FMN2: variants seen among roughly 807,000 people sequenced by gnomAD.
The protein encoded by FMN2 is formin 2, also known as formin-2.
Under a neutral mutation model 142.3 loss-of-function variants are expected in FMN2, and 51 were observed. The ratio of observed to expected loss-of-function variants is 0.36; its 90% CI spans 0.29 to 0.45. The LOEUF is 0.45. FMN2 is among the 20% of genes least tolerant of loss of function. FMN2 has a pLI of 1.00. For missense variants in FMN2, 1,936 were observed against 2,122.8 expected, an observed-to-expected ratio of 0.91 and a Z score of 1.73; for synonymous variants, 882 against 869.8, an observed-to-expected ratio of 1.01 and a Z score of -0.25.
chr1:240,184,386 A>G lies in FMN2; in HGVS notation c.1931-3821A>G, dbSNP rs564384906. On this transcript the variant is annotated intron_variant, in intron 3 of 17. Transcript: ENST00000319653. The stretch of plus-strand genomic sequence containing the variant: ...CGAGTAGCTGGGACTGCAGGTGCCC[A>G]CCACCAGGCCGGCTCATTTTTGTAT... 1.5e-3 allele frequency among the ~76,000 whole-genome samples: 227 copies of G among 151,250 alleles called. 4 individuals are homozygous for G. In the South Asian group the frequency reaches 0.024, roughly 16 times the overall value.
chr1:240,440,922 C>T (rs750386901), intron 16 of FMN2, among the ~76,000 whole-genome samples: 5 of 151,722 alleles, frequency 3.3e-5, no homozygotes, highest in Non-Finnish European at 4.4e-5. Flanking sequence ...AACCACAGAG[C>T]CCTTCTAAGG....
At chr1:240,319,541 C>G (rs1670901680) in intron 8 of FMN2, among the ~76,000 whole-genome samples, 1 of 152,144 alleles carries the variant, frequency 6.6e-6, no homozygotes, top group Admixed American at 6.6e-5. Flanking sequence ...GTCTTCACAA[C>G]AGATGTGGTA....
At chr1:240,350,807 G>A (rs1306328007) in intron 13 of FMN2, among the ~76,000 whole-genome samples, 4 of 152,234 alleles carry the variant, frequency 2.6e-5, no homozygotes. Context: ...CTCTGGGAAT[G>A]GATAAGTAGA....
intron 14 of FMN2, among the ~76,000 whole-genome samples, chr1:240,388,563 C>G (rs1032813054): frequency 1.3e-5 from 2 of 152,016 alleles, no homozygotes; most frequent in African/African-American, 4.8e-5. Flanking sequence ...CTGGGATGCC[C>G]TTGGCCAGTG....
rs2102898107 is a variant in FMN2, at chr1:240,258,180, A to T, written c.4153+148A>T. 5 of 609,730 alleles carry T rather than the reference A, an allele frequency of 8.2e-6. 1 individual carries two copies. In the South Asian group the frequency reaches 1.0e-4, roughly 13 times the overall value. 37.8% of individuals were successfully genotyped at this position (609,730 alleles called of 1,614,324 possible). On this transcript the variant is annotated intron_variant, in intron 7 of 17. Coordinates refer to ENST00000319653, the MANE Select transcript of FMN2 (RefSeq NM_020066.5). ...CGTAAGTGTGATCAAGCTATCTCCCATGATTGTTTCTGGAAGGATTACTAT... is the reference window on the plus strand; with the variant it reads ...CGTAAGTGTGATCAAGCTATCTCCCTTGATTGTTTCTGGAAGGATTACTAT...
intron 15 of FMN2, among the ~76,000 whole-genome samples, chr1:240,407,675 C>T (rs17629839): frequency 0.082 from 12,414 of 152,004 alleles, 653 homozygotes; most frequent in South Asian, 0.16. Context: ...GATTTGTTCC[C>T]CTAAAGAGTG....
At chr1:240,251,254 G>C (rs780768905) in intron 6 of FMN2, among the ~76,000 whole-genome samples, 5 of 151,706 alleles carry the variant, frequency 3.3e-5, no homozygotes, top group African/African-American at 4.8e-5. Flanking sequence ...GTATCTCATA[G>C]GTTTTGGTGT....
At chr1:240,467,068 T>C (rs1055189713) in intron 16 of FMN2, among the ~76,000 whole-genome samples, 1 of 152,140 alleles carries the variant, frequency 6.6e-6, no homozygotes, top group Non-Finnish European at 1.5e-5. Flanking sequence ...CAAGAAGTGA[T>C]CACAGCCTAT....
intron 2 of FMN2, 29 bp downstream of exon 2, chr1:240,123,374 G>C: frequency 6.3e-7 from 1 of 1,599,612 alleles, no homozygotes; most frequent in Non-Finnish European, 8.5e-7. Flanking sequence ...TTCTGTCCGT[G>C]AGGCAGATTT....
At chr1:240,214,367 T>C (rs1558370671) in intron 6 of FMN2, among the ~76,000 whole-genome samples, 1 of 151,422 alleles carries the variant, frequency 6.6e-6, no homozygotes, top group Non-Finnish European at 1.5e-5. Flanking sequence ...CTGGCTAACA[T>C]GTAGAAACCC....
intron 15 of FMN2, among the ~76,000 whole-genome samples, chr1:240,399,272 A>G (rs1673892175): frequency 6.6e-6 from 1 of 152,174 alleles, no homozygotes; most frequent in African/African-American, 2.4e-5. Context: ...TCTTCCATTT[A>G]CCATAATACC....
intron 14 of FMN2, among the ~76,000 whole-genome samples, chr1:240,374,221 A>G (rs1323470242): frequency 2.6e-5 from 4 of 152,220 alleles, no homozygotes; most frequent in Non-Finnish European, 5.9e-5. Flanking sequence ...GATCACAGGC[A>G]TAGTAGATTT....
chr1:240,258,401 G>A (rs903627318), intron 7 of FMN2, among the ~76,000 whole-genome samples: 2 of 152,112 alleles, frequency 1.3e-5, no homozygotes, highest in African/African-American at 4.8e-5. Flanking sequence ...GGTGAGGGCC[G>A]TCTTTCAGGT....
At chr1:240,157,900 C>CCTGAGG (rs1269731018) in intron 2 of FMN2, among the ~76,000 whole-genome samples, 2 of 150,370 alleles carry the variant, frequency 1.3e-5, no homozygotes, top group East Asian at 3.9e-4. Context: ...ACTTTAGGAG[C>CCTGAGG]CTGAGGCAGG....
chr1:240,219,276 G>C (rs976321077), intron 6 of FMN2, among the ~76,000 whole-genome samples: 3 of 152,132 alleles, frequency 2.0e-5, no homozygotes, highest in African/African-American at 7.2e-5. Flanking sequence ...AGCTTATTTT[G>C]GTGTCACGGT....
At chr1:240,262,640 A>G (rs2102905009) in intron 7 of FMN2, among the ~76,000 whole-genome samples, 1 of 152,260 alleles carries the variant, frequency 6.6e-6, no homozygotes, top group Middle Eastern at 3.4e-3. Context: ...CATAAGCTTC[A>G]GCTTTATCCC....
intron 6 of FMN2, among the ~76,000 whole-genome samples, chr1:240,257,004 G>A (rs2102895897): frequency 6.6e-6 from 1 of 152,310 alleles, no homozygotes; most frequent in African/African-American, 2.4e-5. Flanking sequence ...AGCTGTTAGA[G>A]CAGCTGTCAC....
At chr1:240,432,856 T>C (rs1675224770) in intron 15 of FMN2, among the ~76,000 whole-genome samples, 1 of 152,140 alleles carries the variant, frequency 6.6e-6, no homozygotes, top group Non-Finnish European at 1.5e-5. Flanking sequence ...CTCTGTATAA[T>C]TTCAGTTTGA....
intron 8 of FMN2, among the ~76,000 whole-genome samples, chr1:240,312,715 A>G (rs1002096037): frequency 1.3e-5 from 2 of 152,228 alleles, no homozygotes; most frequent in African/African-American, 4.8e-5. Context: ...TGTTCCACAA[A>G]GTACATTTGA....
Sources: allele counts gnomAD v4.1 joint callset (sites outside exome capture counted in the v4.1 genomes callset), GRCh38; gene constraint gnomAD v4.1.1; transcripts MANE v1.5; gene names NCBI Gene and HGNC (gene_info 2026-07-23, HGNC 2026-07-21).